COBL: variants seen among roughly 807,000 people sequenced by gnomAD.
COBL encodes the protein protein cordon-bleu.
COBL carries 51 observed loss-of-function variants against 98.8 expected under a neutral mutation model. That is an observed-to-expected ratio of 0.52 (90% confidence interval 0.41 to 0.65). The LOEUF is 0.65. Ranked by LOEUF, COBL falls within the 30% of genes least tolerant of loss-of-function variation. The pLI is 0.00. For missense variants in COBL, 1,617 were observed against 1,617.5 expected (o/e 1.00, Z 0.01); for synonymous variants, 634 against 651.7 (o/e 0.97, Z 0.41).
chr7:51,296,839 A>C (rs1344313359), intron 1 of COBL, among the ~76,000 whole-genome samples: 2 of 152,176 alleles, frequency 1.3e-5, no homozygotes, highest in Non-Finnish European at 1.5e-5. Flanking sequence ...AAATTCTTGT[A>C]CTGGAAAACG....
intron 7 of COBL, among the ~76,000 whole-genome samples, chr7:51,078,027 C>A (rs540976201): frequency 2.6e-5 from 4 of 152,276 alleles, no homozygotes; most frequent in Admixed American, 2.0e-4. Context: ...ATGTGTAGTG[C>A]GCACTGCTGG....
At chr7:51,210,999 C>T (rs116930166) in intron 2 of COBL, among the ~76,000 whole-genome samples, 166 of 152,284 alleles carry the variant, frequency 1.1e-3, no homozygotes, top group Middle Eastern at 3.4e-3. Context: ...TTTCCTTACA[C>T]GCTCATCAGA....
chr7:51,183,293 A>G (rs1301902330), intron 5 of COBL, among the ~76,000 whole-genome samples: 1 of 152,126 alleles, frequency 6.6e-6, no homozygotes, highest in East Asian at 1.9e-4. Flanking sequence ...TGGAATTAAA[A>G]CCTAACATTC....
intron 6 of COBL, among the ~76,000 whole-genome samples, chr7:51,118,857 C>T (rs1797510878): frequency 6.6e-6 from 1 of 152,164 alleles, no homozygotes; most frequent in Non-Finnish European, 1.5e-5. Context: ...GCAGGCTGGA[C>T]CCAGCCACAG....
At chr7:51,138,448 G>A (rs1040528930) in intron 5 of COBL, among the ~76,000 whole-genome samples, 8 of 152,132 alleles carry the variant, frequency 5.3e-5, no homozygotes, top group African/African-American at 1.9e-4. Context: ...ACCAGAGAAG[G>A]GATTTTGCTA....
intron 7 of COBL, among the ~76,000 whole-genome samples, chr7:51,049,130 G>T (rs942311353): frequency 6.6e-6 from 1 of 152,188 alleles, no homozygotes; most frequent in South Asian, 2.1e-4. Flanking sequence ...TGACAACTCA[G>T]TTAGATCCTT....
chr7:51,183,159 G>A (rs1014533439), intron 5 of COBL, among the ~76,000 whole-genome samples: 1 of 152,188 alleles, frequency 6.6e-6, no homozygotes, highest in Non-Finnish European at 1.5e-5. Flanking sequence ...CAGGTGTCCG[G>A]CCTTGGGCTA....
chr7:51,304,865 T>G (rs1194529332), intron 1 of COBL, among the ~76,000 whole-genome samples: 2 of 152,210 alleles, frequency 1.3e-5, no homozygotes, highest in Non-Finnish European at 2.9e-5. Flanking sequence ...ATGAGGAGGC[T>G]AAACAGTCCC....
intron 6 of COBL, among the ~76,000 whole-genome samples, chr7:51,130,577 A>C (rs1052997251): frequency 6.6e-6 from 1 of 152,226 alleles, no homozygotes; most frequent in Non-Finnish European, 1.5e-5. Flanking sequence ...CAGAGAGGAC[A>C]CTTGAGTCTG....
At chr7:51,027,664 T>C (rs1330704543) in intron 10 of COBL, 48 bp downstream of exon 10, 3 of 1,471,232 alleles carry the variant, frequency 2.0e-6, no homozygotes, top group Non-Finnish European at 2.8e-6. Context: ...ACCAGTGCAC[T>C]GAAGTGGGCA....
At chr7:51,120,844 TTTA>T (rs565240897) in intron 6 of COBL, among the ~76,000 whole-genome samples, 12 of 152,222 alleles carry the variant, frequency 7.9e-5, no homozygotes, top group Non-Finnish European at 1.2e-4. Context: ...TGTTTAAGTA[TTTA>T]TTTTTGTATT....
intron 1 of COBL, among the ~76,000 whole-genome samples, chr7:51,252,957 T>C (rs1796861725): frequency 1.3e-5 from 2 of 152,176 alleles, no homozygotes. Context: ...GCACAGTGGT[T>C]CACGCCTGTA....
rs763089405 is a variant in COBL at position 51,133,505 on chromosome 7, G to A, written c.957+2653C>T. On this transcript the variant is annotated intron_variant, in intron 6 of 12. Transcript: ENST00000265136. The stretch of plus-strand genomic sequence containing the variant: ...GAGCGGCAGCACTTAAGATGCAAAT[G>A]TTCAGGCCCCATCCAGACCTACTGA... Among the ~76,000 whole-genome samples, 50 of 152,170 alleles carry A rather than the reference G, an allele frequency of 3.3e-4. 1 individual carries two copies. The highest frequency in any genetic ancestry group is 8.3e-4 in the South Asian group (4 of 4,830).
chr7:51,183,837 TCATGGCCCCGG>T (rs1410662290), intron 5 of COBL, among the ~76,000 whole-genome samples: 5 of 152,204 alleles, frequency 3.3e-5, no homozygotes, highest in African/African-American at 1.2e-4. Flanking sequence ...GCAGAAGGGC[TCATGGCCCCGG>T]TCATCAGGAG....
chr7:51,023,469 T>TATG (rs550567891), intron 12 of COBL, among the ~76,000 whole-genome samples: 1 of 152,210 alleles, frequency 6.6e-6, no homozygotes, highest in Non-Finnish European at 1.5e-5. Flanking sequence ...ATCACACAGC[T>TATG]ATGAATGCCC....
chr7:51,190,757 A>T, intron 4 of COBL, 93 bp downstream of exon 4: 1 of 978,584 alleles, frequency 1.0e-6, no homozygotes, highest in Non-Finnish European at 1.6e-6. Context: ...CCCTGGCGCT[A>T]CTGAGAGTGC....
intron 1 of COBL, among the ~76,000 whole-genome samples, chr7:51,275,121 G>A (rs1013942743): frequency 3.3e-5 from 5 of 152,158 alleles, no homozygotes; most frequent in Non-Finnish European, 7.3e-5. Flanking sequence ...GGTGAGGGAC[G>A]CACGTGGAGC....
At chr7:51,158,689 G>T (rs1434410663) in intron 5 of COBL, among the ~76,000 whole-genome samples, 1 of 152,082 alleles carries the variant, frequency 6.6e-6, no homozygotes, top group Non-Finnish European at 1.5e-5. Flanking sequence ...CCCTTTTCCA[G>T]GGAGGAGCTG....
At chr7:51,024,241 G>A (rs867987607) in intron 12 of COBL, among the ~76,000 whole-genome samples, 1 of 151,888 alleles carries the variant, frequency 6.6e-6, no homozygotes, top group Non-Finnish European at 1.5e-5. Flanking sequence ...CCCGGGAGGC[G>A]GAGCTTGCAG....
Sources: allele counts gnomAD v4.1 joint callset (sites outside exome capture counted in the v4.1 genomes callset), GRCh38; gene constraint gnomAD v4.1.1; transcripts MANE v1.5; gene names NCBI Gene and HGNC (gene_info 2026-07-23, HGNC 2026-07-21).